MMP16: variants seen among roughly 807,000 people sequenced by gnomAD.
The protein encoded by MMP16 is matrix metalloproteinase-16.
A neutral mutation model predicts 67.8 loss-of-function variants in MMP16; 12 were observed. The observed-to-expected ratio is 0.18, with a 90% CI of 0.11 to 0.29. MMP16 has a LOEUF of 0.29. Ranked by LOEUF, MMP16 falls within the 10% of genes least tolerant of loss-of-function variation. The pLI is 1.00. For missense variants in MMP16, 475 were observed against 765.7 expected (o/e 0.62, Z 4.48); for synonymous variants, 249 against 255.9 (o/e 0.97, Z 0.26).
chr8:88,151,780 A>G, intron 4 of MMP16, among the ~76,000 whole-genome samples: 1 of 150,316 alleles, frequency 6.7e-6, no homozygotes, highest in East Asian at 2.0e-4. Context: ...CAAAATTGAC[A>G]CCCTAACATC....
At chr8:88,156,265 G>A (rs929140786) in intron 4 of MMP16, among the ~76,000 whole-genome samples, 5 of 151,894 alleles carry the variant, frequency 3.3e-5, no homozygotes, top group Admixed American at 3.3e-4. Flanking sequence ...CATGGTCTTA[G>A]GTCAATTCCC....
chr8:88,164,527 GT>G (rs1218686638), intron 4 of MMP16, among the ~76,000 whole-genome samples: 1 of 152,020 alleles, frequency 6.6e-6, no homozygotes, highest in Non-Finnish European at 1.5e-5. Flanking sequence ...CTGGTTAAAA[GT>G]TTGAATTTCA....
At chr8:88,323,610 A>G (rs1207103541) in intron 1 of MMP16, among the ~76,000 whole-genome samples, 1 of 152,156 alleles carries the variant, frequency 6.6e-6, no homozygotes, top group African/African-American at 2.4e-5. Context: ...CCACTAAATC[A>G]GCTTGAAAAT....
chr8:88,128,691 A>T (rs2118465426), intron 4 of MMP16, among the ~76,000 whole-genome samples: 1 of 151,912 alleles, frequency 6.6e-6, no homozygotes, highest in African/African-American at 2.4e-5. Context: ...TATTTTGATT[A>T]GCAATGATTA....
intron 1 of MMP16, among the ~76,000 whole-genome samples, chr8:88,208,289 C>A (rs1298732659): frequency 2.6e-5 from 4 of 152,274 alleles, no homozygotes; most frequent in East Asian, 3.9e-4. Flanking sequence ...AAAGCTGCTA[C>A]CCCATAAGCC....
intron 6 of MMP16, among the ~76,000 whole-genome samples, chr8:88,087,664 C>T (rs543407117): frequency 2.0e-5 from 3 of 151,626 alleles, no homozygotes; most frequent in Admixed American, 6.6e-5. Flanking sequence ...GATATTGAGG[C>T]CCAGTGCAGT....
rs1811081619 is a variant in MMP16, at chr8:88,300,549, G to C, written c.132+26526C>G. On this transcript the variant is annotated intron_variant, in intron 1 of 9. Transcript: ENST00000286614. ...GTGAGATAACAGTGCTTGCATTCAA[G>C]AAACCCTTATTTTACTTAGTTGTTC... Among the ~76,000 whole-genome samples, 4 of 152,144 alleles carry C rather than the reference G, an allele frequency of 2.6e-5. No homozygotes were observed. In the South Asian group the frequency reaches 6.2e-4, roughly 24 times the overall value.
At position 88,037,637 on chromosome 8, in the gene MMP16, T is replaced by C. The variant is rs1210874692; in HGVS notation, c.*3824A>G. ...TGACTGCCATGTCAACAGACACTGT[T>C]CTGAAATGAGTCAATAAATTCACAA... is the stretch of plus-strand genomic sequence containing the variant. On this transcript the variant is annotated 3_prime_UTR_variant, in exon 10 of 10. Transcript: ENST00000286614. 6.6e-6 allele frequency: 1 copy of C among 152,014 alleles called. No individual in the cohort carries two copies. Among genetic ancestry groups the C allele is most frequent in the Non-Finnish European group, 1.5e-5 (1 of 67,918 alleles). 9.4% of individuals were successfully genotyped at this position (152,014 alleles called of 1,614,324 possible).
At chr8:88,064,727 A>G (rs553514035) in intron 7 of MMP16, among the ~76,000 whole-genome samples, 20 of 152,118 alleles carry the variant, frequency 1.3e-4, no homozygotes, top group Admixed American at 1.0e-3. Context: ...TGGGCTCAAT[A>G]TTTGGAGTAT....
chr8:88,063,590 T>C (rs1187960644), intron 7 of MMP16, among the ~76,000 whole-genome samples: 2 of 151,788 alleles, frequency 1.3e-5, no homozygotes, highest in Non-Finnish European at 2.9e-5. Flanking sequence ...GAGTGCATTA[T>C]ATTGTTCAGA....
At position 88,041,191 on chromosome 8, in the gene MMP16, G is replaced by A. The variant is rs1808128189; in HGVS notation, c.*270C>T. 3.0e-6 allele frequency: 1 copy of A among 329,602 alleles called. No individual in the cohort carries two copies. The highest frequency in any genetic ancestry group is 5.5e-6 in the Non-Finnish European group (1 of 182,478). The allele number at this position is 329,602 out of a possible 1,614,324, so 20.4% of individuals were successfully genotyped here. On this transcript the variant is annotated 3_prime_UTR_variant, in exon 10 of 10. Coordinates refer to ENST00000286614, the MANE Select transcript of MMP16 (RefSeq NM_005941.5). The surrounding 1 kb of genome is among the most constrained non-coding windows in gnomAD (Gnocchi z 6.0). ...TTAGTTAATCCTGAAATTTTACTGG[G>A]CATTGAGCGTGCAGAGGAAAGGCCT...
chr8:88,123,941 C>T (rs1326848061), intron 4 of MMP16, among the ~76,000 whole-genome samples: 1 of 151,884 alleles, frequency 6.6e-6, no homozygotes, highest in East Asian at 1.9e-4. Context: ...CTGGGCTGCT[C>T]CCCTAGTGCC....
At chr8:88,102,595 C>T (rs1809163827) in intron 6 of MMP16, among the ~76,000 whole-genome samples, 1 of 151,740 alleles carries the variant, frequency 6.6e-6, no homozygotes. Context: ...CAGTCCCTCT[C>T]CCCTCCCCTG....
chr8:88,308,205 A>C (rs1236199064), intron 1 of MMP16, among the ~76,000 whole-genome samples: 1 of 151,992 alleles, frequency 6.6e-6, no homozygotes, highest in Non-Finnish European at 1.5e-5. Flanking sequence ...CACATCAGAG[A>C]CACAGTGTAT....
intron 7 of MMP16, among the ~76,000 whole-genome samples, chr8:88,071,258 C>T (rs551433866): frequency 6.6e-6 from 1 of 151,968 alleles, no homozygotes; most frequent in Non-Finnish European, 1.5e-5. Flanking sequence ...AATAGTTATA[C>T]TTTATAACTA....
intron 7 of MMP16, among the ~76,000 whole-genome samples, chr8:88,072,975 GC>G (rs977131616): frequency 1.3e-5 from 2 of 152,102 alleles, no homozygotes; most frequent in African/African-American, 4.8e-5. Flanking sequence ...AAGTGAGAAG[GC>G]CCCGAGGCCA....
chr8:88,125,058 G>T (rs1030328449), intron 4 of MMP16, among the ~76,000 whole-genome samples: 9 of 151,730 alleles, frequency 5.9e-5, no homozygotes, highest in African/African-American at 1.9e-4. Context: ...TGTGAATTTT[G>T]TGGCTTTAAC....
intron 1 of MMP16, among the ~76,000 whole-genome samples, chr8:88,285,790 T>A (rs1359044096): frequency 6.6e-6 from 1 of 152,242 alleles, no homozygotes; most frequent in African/African-American, 2.4e-5. Context: ...ATCAAGTATA[T>A]TTACACTATT....
At position 88,055,391 on chromosome 8, in the gene MMP16, A is replaced by G. The variant is rs28991904; in HGVS notation, c.1373+737T>C. On this transcript the variant is annotated intron_variant, in intron 8 of 9. Transcript: ENST00000286614. Reference sequence around the variant, plus strand: ...CCTGGCTAATTTTTATATTTTTAGTAGAGACGGGGTTTCGCCATGTTGGCC... The same window carrying G: ...CCTGGCTAATTTTTATATTTTTAGTGGAGACGGGGTTTCGCCATGTTGGCC... Among the ~76,000 whole-genome samples, 155 of 152,246 alleles carry G rather than the reference A, an allele frequency of 1.0e-3. 1 individual carries two copies. The East Asian group carries it at 0.029, about 28-fold the overall frequency.
Sources: allele counts gnomAD v4.1 joint callset (sites outside exome capture counted in the v4.1 genomes callset), GRCh38; gene constraint gnomAD v4.1.1; non-coding constraint Gnocchi (gnomAD v3.1); transcripts MANE v1.5; gene names NCBI Gene and HGNC (gene_info 2026-07-23, HGNC 2026-07-21).